Variants in DSCAM observed in about 807,000 individuals in gnomAD.
DSCAM encodes the protein cell adhesion molecule DSCAM.
A neutral mutation model predicts 217.7 loss-of-function variants in DSCAM; 47 were observed. The observed-to-expected ratio is 0.22, with a 90% CI of 0.17 to 0.28. DSCAM has a LOEUF of 0.28. Ranked by LOEUF, DSCAM falls within the 10% of genes least tolerant of loss-of-function variation. DSCAM has a pLI of 1.00. For missense variants in DSCAM, 2,080 were observed against 2,618.3 expected (o/e 0.79, Z 4.49); for synonymous variants, 1,056 against 1,015.3 (o/e 1.04, Z -0.76).
At chr21:40,627,888 T>C (rs2089623491) in intron 3 of DSCAM, among the ~76,000 whole-genome samples, 1 of 152,210 alleles carries the variant, frequency 6.6e-6, no homozygotes, top group South Asian at 2.1e-4. Context: ...TTTCCCATTC[T>C]TGGACAGAGT....
At chr21:40,335,933 G>A (rs2074425511) in intron 8 of DSCAM, among the ~76,000 whole-genome samples, 1 of 152,186 alleles carries the variant, frequency 6.6e-6, no homozygotes, top group African/African-American at 2.4e-5. Flanking sequence ...ACACTAACAG[G>A]ATGACTATTC....
At position 40,187,888 on chromosome 21, in the gene DSCAM, T is replaced by C. The variant is rs1439998268; in HGVS notation, c.2650+3A>G. On this transcript the variant is annotated splice_donor_region_variant and intron_variant, in intron 13 of 32. Coordinates refer to ENST00000400454, the MANE Select transcript of DSCAM (RefSeq NM_001389.5). The stretch of plus-strand genomic sequence containing the variant: ...TTATTCTCTTACGCTATCGTCTTCC[T>C]ACCTTGCACTGTGAGCTGAATTATT... 6.2e-7 allele frequency: 1 copy of C among 1,611,452 alleles called. No homozygotes were observed. Among genetic ancestry groups the C allele is most frequent in the Non-Finnish European group, 8.5e-7 (1 of 1,177,530 alleles).
chr21:40,069,352 A>G (rs2837416), intron 27 of DSCAM, among the ~76,000 whole-genome samples: 63,339 of 151,754 alleles, frequency 0.42, 14,300 homozygotes, highest in African/African-American at 0.59. Context: ...TGTTCTGTTT[A>G]TAGACCACAG....
At position 40,400,261 on chromosome 21, in the gene DSCAM, G is replaced by A. The variant is rs148389798; in HGVS notation, c.509-31016C>T. Reference sequence around the variant, plus strand: ...ATGTATTTATTTTAAAAATGAAATAGTAACCCCATTACATTATTTAAAAAT... The same window carrying A: ...ATGTATTTATTTTAAAAATGAAATAATAACCCCATTACATTATTTAAAAAT... On this transcript the variant is annotated intron_variant, in intron 3 of 32. Coordinates refer to ENST00000400454, the MANE Select transcript of DSCAM (RefSeq NM_001389.5). Among the ~76,000 whole-genome samples the A allele has an allele frequency of 7.2e-5, 11 of 152,186 alleles. 1 individual carries two copies. In the East Asian group the frequency reaches 2.1e-3, roughly 29 times the overall value.
intron 1 of DSCAM, among the ~76,000 whole-genome samples, chr21:40,842,592 C>T (rs1601335734): frequency 1.3e-5 from 2 of 152,310 alleles, no homozygotes; most frequent in South Asian, 4.1e-4. Flanking sequence ...CTCTCTCCCT[C>T]TCTCAATCAA....
chr21:40,029,426 G>GTTTTTTTTTTTTTTTTT (rs924937730), intron 32 of DSCAM, among the ~76,000 whole-genome samples: 6 of 141,664 alleles, frequency 4.2e-5, no homozygotes, highest in African/African-American at 1.6e-4. Context: ...ATTTGAGGTT[G>GTTTTTTTTTTTTTTTTT]TTTTTTTTTT....
At chr21:40,481,328 G>A (rs768871516) in intron 3 of DSCAM, among the ~76,000 whole-genome samples, 9 of 151,566 alleles carry the variant, frequency 5.9e-5, no homozygotes, top group Non-Finnish European at 1.2e-4. Flanking sequence ...TCTCTACTAA[G>A]AATACAAAAA....
intron 16 of DSCAM, among the ~76,000 whole-genome samples, chr21:40,152,474 C>G (rs1018136248): frequency 6.6e-6 from 1 of 152,202 alleles, no homozygotes; most frequent in African/African-American, 2.4e-5. Context: ...TTTCATTTAT[C>G]TGCCATCTGT....
chr21:40,639,591 T>C (rs1458652157), intron 3 of DSCAM, among the ~76,000 whole-genome samples: 3 of 152,204 alleles, frequency 2.0e-5, no homozygotes, highest in African/African-American at 7.2e-5. Flanking sequence ...TTAGTTAATA[T>C]TTAAAATGGT....
Position 40,038,697 on chromosome 21 carries a change from G to T in DSCAM, c.5686+3674C>A, listed in dbSNP as rs1268031856. Among the ~76,000 whole-genome samples, 5 of 130,892 alleles carry T rather than the reference G, an allele frequency of 3.8e-5. No homozygotes were observed. In the East Asian group the frequency reaches 7.8e-4, roughly 20 times the overall value. The allele number at this position is 130,892 out of a possible 152,430, so 85.9% of individuals were successfully genotyped here. A position where few individuals can be genotyped will look rare whatever the true frequency, so the allele number is the denominator to read the frequency against. Reference sequence around the variant, plus strand: ...TACCCAAAGGACTATAAATCATGCTGCTATAAAGACACATGCACACATATG... The same window carrying T: ...TACCCAAAGGACTATAAATCATGCTTCTATAAAGACACATGCACACATATG... On this transcript the variant is annotated intron_variant, in intron 32 of 32. Transcript: ENST00000400454.
chr21:40,109,932 G>C (rs2089873417), intron 20 of DSCAM, among the ~76,000 whole-genome samples: 1 of 152,174 alleles, frequency 6.6e-6, no homozygotes, highest in Non-Finnish European at 1.5e-5. Context: ...GCTCAAACTG[G>C]GTGGAGCCCA....
chr21:40,572,522 G>A (rs1408960805), intron 3 of DSCAM, among the ~76,000 whole-genome samples: 1 of 151,986 alleles, frequency 6.6e-6, no homozygotes, highest in Non-Finnish European at 1.5e-5. Context: ...AACACTTAGA[G>A]CATAAAGAGA....
rs567122822 is a variant in DSCAM at position 40,728,978 on chromosome 21, A to G, written c.44-20207T>C. Among the ~76,000 whole-genome samples the G allele has an allele frequency of 3.9e-5, 6 of 152,292 alleles. 1 individual carries two copies. In the South Asian group the frequency reaches 6.2e-4, roughly 16 times the overall value. Reference sequence around the variant, plus strand: ...TGCATCTACACGTGGCAATATTTCAATCTCCACTGACATGGGTCGCTAGCC... The same window carrying G: ...TGCATCTACACGTGGCAATATTTCAGTCTCCACTGACATGGGTCGCTAGCC... On this transcript the variant is annotated intron_variant, in intron 1 of 32. Coordinates refer to ENST00000400454, the MANE Select transcript of DSCAM (RefSeq NM_001389.5).
At chr21:40,653,215 A>C (rs1318034754) in intron 3 of DSCAM, among the ~76,000 whole-genome samples, 1 of 152,226 alleles carries the variant, frequency 6.6e-6, no homozygotes, top group Non-Finnish European at 1.5e-5. Context: ...CTCTCCAGCA[A>C]ATCATCAACC....
At chr21:40,460,875 T>C (rs1445833362) in intron 3 of DSCAM, among the ~76,000 whole-genome samples, 1 of 152,168 alleles carries the variant, frequency 6.6e-6, no homozygotes, top group Non-Finnish European at 1.5e-5. Context: ...ATAAAATATA[T>C]ACAGAGACAA....
At chr21:40,717,633 G>A (rs1000993599) in intron 1 of DSCAM, among the ~76,000 whole-genome samples, 12 of 152,330 alleles carry the variant, frequency 7.9e-5, no homozygotes, top group Middle Eastern at 3.4e-3. Context: ...ACAGAAAGTC[G>A]ACTAGTGGCT....
intron 28 of DSCAM, 78 bp from the exon 29 acceptor site, chr21:40,055,918 C>T: frequency 1.9e-6 from 2 of 1,057,292 alleles, no homozygotes; most frequent in Admixed American, 3.5e-5. Flanking sequence ...TGTATACCAA[C>T]TTAGTTTATT....
At chr21:40,727,565 C>A (rs542134425) in intron 1 of DSCAM, among the ~76,000 whole-genome samples, 5 of 152,238 alleles carry the variant, frequency 3.3e-5, no homozygotes, top group Admixed American at 6.5e-5. Context: ...ATCAATAAGT[C>A]TCTTAGCTGT....
intron 3 of DSCAM, among the ~76,000 whole-genome samples, chr21:40,531,006 T>C (rs2076441619): frequency 6.6e-6 from 1 of 152,110 alleles, no homozygotes; most frequent in African/African-American, 2.4e-5. Flanking sequence ...GACTGAACTA[T>C]GTACAAGGAG....
Sources: allele counts gnomAD v4.1 joint callset (sites outside exome capture counted in the v4.1 genomes callset), GRCh38; gene constraint gnomAD v4.1.1; transcripts MANE v1.5; gene names NCBI Gene and HGNC (gene_info 2026-07-23, HGNC 2026-07-21).